Variants in CCDC30 observed in about 807,000 individuals in gnomAD.
The protein encoded by CCDC30 is coiled-coil domain-containing protein 30.
CCDC30 carries 70 observed loss-of-function variants against 100.2 expected under a neutral mutation model. That is an observed-to-expected ratio of 0.70 (90% confidence interval 0.58 to 0.85). The LOEUF (loss-of-function observed/expected upper bound fraction) is 0.85. CCDC30 is among the 40% of genes least tolerant of loss of function. CCDC30 has a pLI of 0.00. For missense variants in CCDC30, 652 were observed against 771.2 expected, an observed-to-expected ratio of 0.85 and a Z score of 1.83; for synonymous variants, 233 against 269.5, an observed-to-expected ratio of 0.86 and a Z score of 1.33.
intron 6 of CCDC30, among the ~76,000 whole-genome samples, chr1:42,526,504 A>G (rs1239236317): frequency 3.3e-5 from 5 of 151,800 alleles, no homozygotes; most frequent in African/African-American, 1.2e-4. Flanking sequence ...TACCTGAATA[A>G]TTCATATCCT....
chr1:42,558,480 T>G (rs1570053674), intron 6 of CCDC30, among the ~76,000 whole-genome samples: 2 of 152,314 alleles, frequency 1.3e-5, no homozygotes, highest in African/African-American at 4.8e-5. Flanking sequence ...TTGTGCTAAG[T>G]GCTTGCATGT....
chr1:42,519,302 G>A (rs1417668476), intron 6 of CCDC30, among the ~76,000 whole-genome samples: 2 of 152,148 alleles, frequency 1.3e-5, no homozygotes, highest in Non-Finnish European at 2.9e-5. Flanking sequence ...CTCTTCAAAT[G>A]TGTTAAGAAG....
chr1:42,574,316 T>A (rs911607521), intron 7 of CCDC30, among the ~76,000 whole-genome samples: 1 of 152,040 alleles, frequency 6.6e-6, no homozygotes, highest in African/African-American at 2.4e-5. Flanking sequence ...TCTTCTTTTT[T>A]TTGCATCAAC....
At chr1:42,648,167 C>T (rs887051385) in intron 15 of CCDC30, among the ~76,000 whole-genome samples, 4 of 151,846 alleles carry the variant, frequency 2.6e-5, no homozygotes, top group South Asian at 2.1e-4. Flanking sequence ...CTGGAACTCC[C>T]GACCTCAGGT....
chr1:42,476,362 G>T (rs1022826053), intron 1 of CCDC30, among the ~76,000 whole-genome samples: 4 of 152,114 alleles, frequency 2.6e-5, no homozygotes, highest in African/African-American at 9.7e-5. Flanking sequence ...GTACTTCAAA[G>T]CTGCAAAGGA....
At chr1:42,573,871 AG>A (rs1389758617) in intron 7 of CCDC30, among the ~76,000 whole-genome samples, 6 of 152,140 alleles carry the variant, frequency 3.9e-5, no homozygotes, top group Non-Finnish European at 8.8e-5. Flanking sequence ...TATTTTGAGA[AG>A]GTTTTTTAAA....
chr1:42,548,165 C>T (rs1476369186), intron 6 of CCDC30, among the ~76,000 whole-genome samples: 4 of 152,024 alleles, frequency 2.6e-5, no homozygotes, highest in Non-Finnish European at 5.9e-5. Flanking sequence ...CAGGCAGAGG[C>T]CTGATCATGA....
intron 7 of CCDC30, among the ~76,000 whole-genome samples, chr1:42,568,255 T>C (rs931821438): frequency 2.6e-5 from 4 of 152,084 alleles, no homozygotes; most frequent in Admixed American, 6.6e-5. Flanking sequence ...GCTGGGATTA[T>C]AGGCGCATGT....
intron 10 of CCDC30, among the ~76,000 whole-genome samples, chr1:42,608,689 A>G (rs1646556220): frequency 6.8e-6 from 1 of 147,426 alleles, no homozygotes; most frequent in African/African-American, 2.5e-5. Context: ...TGGGCGACAG[A>G]CAGAGCGCGA....
In CCDC30 at chr1:42,588,691, G is replaced by A. The variant is rs555732149; in HGVS notation, c.1002-630G>A. 2.2e-4 allele frequency among the ~76,000 whole-genome samples: 34 copies of A among 152,262 alleles called. No homozygotes were observed. In the South Asian group the frequency reaches 6.9e-3, roughly 31 times the overall value. On this transcript the variant is annotated intron_variant, in intron 9 of 16. Coordinates refer to ENST00000668663, the Ensembl canonical transcript of CCDC30. ...CCATAAATAATGCAGTTTCAGGGAG[G>A]GGATGGGTATAATTGTTCTCCTTGG...
chr1:42,626,615 T>C (rs1055782350), intron 11 of CCDC30, among the ~76,000 whole-genome samples: 1 of 152,216 alleles, frequency 6.6e-6, no homozygotes, highest in Non-Finnish European at 1.5e-5. Flanking sequence ...ACTTGAACTT[T>C]ATCTCCCAGA....
At chr1:42,629,026 G>C (rs939929340) in intron 11 of CCDC30, among the ~76,000 whole-genome samples, 2 of 151,922 alleles carry the variant, frequency 1.3e-5, no homozygotes, top group African/African-American at 4.8e-5. Context: ...TTTTTTATTG[G>C]TTTATTGTTT....
chr1:42,480,684 C>T, intron 2 of CCDC30, 118 bp downstream of exon 2: 1 of 891,542 alleles, frequency 1.1e-6, no homozygotes, highest in Non-Finnish European at 1.3e-6. Context: ...CCAGTCTCTA[C>T]AAAGAGAACA....
Position 42,589,367 on chromosome 1 carries a change from A to G in CCDC30, c.1048A>G (p.Thr350Ala), listed in dbSNP as rs749615707. 7.4e-6 allele frequency: 12 copies of G among 1,613,450 alleles called. No individual in the cohort carries two copies. The Admixed American group carries it at 1.0e-4, about 13-fold the overall frequency. ...AGATGAGTTACACAGGCAAGTGAGAACCTTACAAGATAAAGAAAATCTACT... is the reference window on the plus strand; with the variant it reads ...AGATGAGTTACACAGGCAAGTGAGAGCCTTACAAGATAAAGAAAATCTACT... The change falls in exon 10 of 17, where the codon ACC (threonine) becomes GCC (alanine). Residue 350 changes from threonine (T) to alanine (A), a missense_variant. Physicochemically the swap from Thr to Ala is moderately conservative, Grantham distance 58. Transcript: ENST00000668663.
At chr1:42,469,075 A>G (rs901567257) in intron 1 of CCDC30, among the ~76,000 whole-genome samples, 6 of 152,132 alleles carry the variant, frequency 3.9e-5, no homozygotes, top group African/African-American at 1.4e-4. Flanking sequence ...AAGAGATCAT[A>G]TGTTAAAACA....
intron 7 of CCDC30, 49 bp from the exon 12 acceptor site, chr1:42,576,971 A>G: frequency 7.2e-7 from 1 of 1,394,484 alleles, no homozygotes; most frequent in Non-Finnish European, 1.0e-6. Flanking sequence ...TCTAGTTCAC[A>G]TTCATTCCAC....
chr1:42,650,495 A>G (rs1648246750), intron 15 of CCDC30, among the ~76,000 whole-genome samples: 1 of 98,910 alleles, frequency 1.0e-5, no homozygotes, highest in African/African-American at 4.5e-5. Context: ...AAAAAAATAT[A>G]TATGTGTGTG....
chr1:42,551,747 G>GTGTGTGTA (rs1201708041), intron 6 of CCDC30, among the ~76,000 whole-genome samples: 1 of 150,330 alleles, frequency 6.7e-6, no homozygotes, highest in Non-Finnish European at 1.5e-5. Context: ...ATTCTGGTGT[G>GTGTGTGTA]TGTGTGTGTG....
At chr1:42,564,244 T>C (rs868661115) in intron 6 of CCDC30, among the ~76,000 whole-genome samples, 4 of 152,234 alleles carry the variant, frequency 2.6e-5, no homozygotes, top group Admixed American at 1.3e-4. Context: ...TATTCTCTTA[T>C]TTCACTGAAG....
Sources: allele counts gnomAD v4.1 joint callset (sites outside exome capture counted in the v4.1 genomes callset), GRCh38; gene constraint gnomAD v4.1.1; transcripts MANE v1.5; gene names NCBI Gene and HGNC (gene_info 2026-07-23, HGNC 2026-07-21).